Variants in RAPGEF2 observed in about 807,000 individuals in gnomAD.
RAPGEF2 encodes the protein Rap guanine nucleotide exchange factor 2.
Under a neutral mutation model 186.7 loss-of-function variants are expected in RAPGEF2, and 54 were observed. The observed-to-expected ratio is 0.29, with a 90% CI of 0.23 to 0.36. The LOEUF is 0.36. RAPGEF2 is among the 10% of genes least tolerant of loss of function. The pLI is 1.00. For synonymous variants in RAPGEF2, 712 were observed against 705.9 expected (o/e 1.01, Z -0.14); for missense variants, 1,532 against 2,045.0 (o/e 0.75, Z 4.84).
intron 7 of RAPGEF2, among the ~76,000 whole-genome samples, chr4:159,281,787 A>G (rs1351922520): frequency 6.6e-6 from 1 of 152,062 alleles, no homozygotes; most frequent in East Asian, 1.9e-4. Context: ...TTCTTTAGTC[A>G]TCTTACAATA....
At position 159,195,904 on chromosome 4, in the gene RAPGEF2, T is replaced by TC. The variant is rs1554008117; in HGVS notation, c.197+2652dup. Among the ~76,000 whole-genome samples, 203 of 128,884 alleles carry TC rather than the reference T, an allele frequency of 1.6e-3. 3 individuals are homozygous for TC. The highest frequency in any genetic ancestry group is 4.7e-3 in the African/African-American group (138 of 29,560). The allele number at this position is 128,884 out of a possible 152,430, so 84.6% of individuals were successfully genotyped here. A position where few individuals can be genotyped will look rare whatever the true frequency, so the allele number is the denominator to read the frequency against. On this transcript the variant is annotated intron_variant, in intron 3 of 29. Transcript: ENST00000691494. ...TTTTTTTTTTTTTTTTTTTTTTTTT[T>TC]CCCCAAGTAGGCTTAGAGGTTTAGA...
chr4:159,269,478 G>GTAAAGAA (rs1418714639), intron 7 of RAPGEF2, among the ~76,000 whole-genome samples: 1 of 152,086 alleles, frequency 6.6e-6, no homozygotes, highest in African/African-American at 2.4e-5. Context: ...AAAGGTTGTT[G>GTAAAGAA]TAAAGAAGTT....
intron 7 of RAPGEF2, among the ~76,000 whole-genome samples, chr4:159,284,249 A>T (rs1760127857): frequency 6.6e-6 from 1 of 152,144 alleles, no homozygotes; most frequent in Non-Finnish European, 1.5e-5. Context: ...GTAGTAACAC[A>T]GTAATGTACT....
chr4:159,140,946 C>G (rs999662575), intron 1 of RAPGEF2, among the ~76,000 whole-genome samples: 1 of 151,930 alleles, frequency 6.6e-6, no homozygotes, highest in Non-Finnish European at 1.5e-5. Flanking sequence ...ATTCTCCTGC[C>G]TCGGCCTTCT....
chr4:159,275,197 A>G (rs936963683), intron 7 of RAPGEF2, among the ~76,000 whole-genome samples: 2 of 151,874 alleles, frequency 1.3e-5, no homozygotes, highest in African/African-American at 4.8e-5. Flanking sequence ...CTCTGAAGTC[A>G]CTATATAAAT....
chr4:159,178,921 C>G (rs1423286958), intron 1 of RAPGEF2, among the ~76,000 whole-genome samples: 2 of 152,102 alleles, frequency 1.3e-5, no homozygotes, highest in Non-Finnish European at 2.9e-5. Context: ...TGTGAACAAT[C>G]ACCCCCCTAA....
chr4:159,344,317 T>G (rs1158001769), intron 23 of RAPGEF2, among the ~76,000 whole-genome samples: 8 of 152,180 alleles, frequency 5.3e-5, no homozygotes, highest in Non-Finnish European at 1.0e-4. Flanking sequence ...TTCTGAGCTC[T>G]TAGAAAAATT....
chr4:159,278,931 A>G (rs1027344208), intron 7 of RAPGEF2, among the ~76,000 whole-genome samples: 1 of 152,198 alleles, frequency 6.6e-6, no homozygotes, highest in Non-Finnish European at 1.5e-5. Context: ...CCTGTTACAC[A>G]CGTGAGGCAG....
rs935032020 is a variant in RAPGEF2 at position 159,267,201 on chromosome 4, G to A, written c.543+23410G>A. 2.6e-5 allele frequency: 34 copies of A among 1,288,456 alleles called. No individual in the cohort carries two copies. In the South Asian group the frequency reaches 3.6e-4, roughly 14 times the overall value. The allele number at this position is 1,288,456 out of a possible 1,614,324, so 79.8% of individuals were successfully genotyped here. On this transcript the variant is annotated intron_variant, in intron 7 of 29. Coordinates refer to ENST00000691494, the MANE Select transcript of RAPGEF2 (RefSeq NM_001394067.2). ...GCTTTCTGCAGGAAGCAGCAATGCCGTTTGTTTCCTAAGAGGAATTTTTTA... is the reference window on the plus strand; with the variant it reads ...GCTTTCTGCAGGAAGCAGCAATGCCATTTGTTTCCTAAGAGGAATTTTTTA...
chr4:159,171,743 T>A (rs1223476520), intron 1 of RAPGEF2, among the ~76,000 whole-genome samples: 1 of 152,150 alleles, frequency 6.6e-6, no homozygotes, highest in African/African-American at 2.4e-5. Flanking sequence ...TACTTTTTTC[T>A]GGAAAGTTTT....
chr4:159,320,497 G>A (rs1765112140), intron 9 of RAPGEF2, among the ~76,000 whole-genome samples: 1 of 152,168 alleles, frequency 6.6e-6, no homozygotes. Flanking sequence ...AAAGTAAAGT[G>A]ATTTCCTGAC....
intron 22 of RAPGEF2, among the ~76,000 whole-genome samples, chr4:159,343,718 A>G (rs1729871921): frequency 6.6e-6 from 1 of 152,248 alleles, no homozygotes; most frequent in African/African-American, 2.4e-5. Context: ...GTATGCACTA[A>G]AATATGTAAA....
chr4:159,295,108 C>T (rs1246477850), intron 7 of RAPGEF2, among the ~76,000 whole-genome samples: 2 of 152,140 alleles, frequency 1.3e-5, no homozygotes, highest in Admixed American at 6.5e-5. Flanking sequence ...TACAGGCCCC[C>T]TCGCCCCAAA....
rs527775693 is a variant in RAPGEF2 at position 159,291,099 on chromosome 4, AT to A, written c.544-13237del. On this transcript the variant is annotated intron_variant, in intron 7 of 29. Coordinates refer to ENST00000691494, the MANE Select transcript of RAPGEF2 (RefSeq NM_001394067.2). ...GCAACTTAAGAAGGGTAACATAATTATTTTTTGTCTTAAAGATTATTGTCTA... is the reference window on the plus strand; with the variant it reads ...GCAACTTAAGAAGGGTAACATAATTATTTTTGTCTTAAAGATTATTGTCTA... Among the ~76,000 whole-genome samples the A allele has an allele frequency of 3.9e-5, 6 of 152,268 alleles. No homozygotes were observed. The East Asian group carries it at 1.2e-3, about 29-fold the overall frequency.
At chr4:159,131,862 A>G (rs542528179) in intron 1 of RAPGEF2, among the ~76,000 whole-genome samples, 4 of 152,032 alleles carry the variant, frequency 2.6e-5, no homozygotes, top group Non-Finnish European at 4.4e-5. Context: ...TTGTAGGGCC[A>G]TAGGTGGGAA....
chr4:159,251,095 C>T (rs931863770), intron 7 of RAPGEF2, among the ~76,000 whole-genome samples: 2 of 152,204 alleles, frequency 1.3e-5, no homozygotes, highest in Non-Finnish European at 2.9e-5. Context: ...GCGCCGGGTT[C>T]GCCAGCACTG....
At chr4:159,138,342 T>C (rs1741948769) in intron 1 of RAPGEF2, among the ~76,000 whole-genome samples, 1 of 152,240 alleles carries the variant, frequency 6.6e-6, no homozygotes, top group Non-Finnish European at 1.5e-5. Flanking sequence ...AAAGCTCATA[T>C]TTTAGTGTTT....
chr4:159,158,812 G>C (rs901076395), intron 1 of RAPGEF2, among the ~76,000 whole-genome samples: 1 of 152,178 alleles, frequency 6.6e-6, no homozygotes, highest in Non-Finnish European at 1.5e-5. Flanking sequence ...CTTGGAACCT[G>C]AAGGAACCAG....
At chr4:159,229,599 A>G (rs1579527609) in intron 4 of RAPGEF2, 1 of 152,198 alleles carries the variant, frequency 6.6e-6, no homozygotes, top group East Asian at 1.9e-4. Flanking sequence ...TTTTCTCTAT[A>G]TTATATGGAA....
Sources: allele counts gnomAD v4.1 joint callset (sites outside exome capture counted in the v4.1 genomes callset), GRCh38; gene constraint gnomAD v4.1.1; transcripts MANE v1.5; gene names NCBI Gene and HGNC (gene_info 2026-07-23, HGNC 2026-07-21).